EPS8: variants seen among roughly 807,000 people sequenced by gnomAD.
EPS8 encodes the protein EGFR pathway substrate 8, signaling adaptor.
A neutral mutation model predicts 103.8 loss-of-function variants in EPS8; 42 were observed. The ratio of observed to expected loss-of-function variants is 0.40; its 90% confidence interval spans 0.32 to 0.52. EPS8 has a LOEUF of 0.52. Among genes scored for constraint, EPS8 ranks in the 20% least tolerant of loss-of-function variants. The probability of loss-of-function intolerance (pLI) is 0.40; values close to 1 mark genes in which losing one functional copy is unlikely to be tolerated. For synonymous variants in EPS8, 344 were observed against 344.6 expected (o/e 1.00, Z 0.02); for missense variants, 969 against 1,005.1 (o/e 0.96, Z 0.49).
chr12:15,747,881 G>A lies in EPS8; in HGVS notation c.-22+41280C>T, dbSNP rs1006298241. ...TAAAAATACAAAGAATTAGCCGGACGTGGTGGCAGGCACCTGTAGTCCCAG... is the reference window on the plus strand; with the variant it reads ...TAAAAATACAAAGAATTAGCCGGACATGGTGGCAGGCACCTGTAGTCCCAG... On this transcript the variant is annotated intron_variant, in intron 1 of 20. Transcript: ENST00000281172. The surrounding 1 kb of genome is among the most constrained non-coding windows in gnomAD (Gnocchi z 4.4). 6.6e-6 allele frequency among the ~76,000 whole-genome samples: 1 copy of A among 152,036 alleles called. No homozygotes were observed. Among genetic ancestry groups the A allele is most frequent in the Non-Finnish European group, 1.5e-5 (1 of 68,000 alleles).
At position 15,684,833 on chromosome 12, in the gene EPS8, C is replaced by T. The variant is rs954157084; in HGVS notation, c.-21-1861G>A. ...TATAAATTAAGAAGCAAAGAAAGAT[C>T]GGCCTCTGCCCTATACATGCATGTA... On this transcript the variant is annotated intron_variant, in intron 1 of 20. Transcript: ENST00000281172. This position sits in a 1 kb window ranked among gnomAD's most constrained non-coding sequence, Gnocchi z 4.9. 1.3e-5 allele frequency among the ~76,000 whole-genome samples: 2 copies of T among 152,186 alleles called. No homozygotes were observed. Among genetic ancestry groups the T allele is most frequent in the Admixed American group, 6.5e-5 (1 of 15,274 alleles).
At chr12:15,629,553 T>G (rs1397163091) in intron 18 of EPS8, among the ~76,000 whole-genome samples, 1 of 152,258 alleles carries the variant, frequency 6.6e-6, no homozygotes, top group African/African-American at 2.4e-5. Context: ...TTTTAAAAAC[T>G]CCACATAATT....
chr12:15,775,078 G>A (rs892056206), intron 1 of EPS8, among the ~76,000 whole-genome samples: 4 of 152,000 alleles, frequency 2.6e-5, no homozygotes, highest in Admixed American at 2.0e-4. Flanking sequence ...GTTAGAATGC[G>A]CTTGGCCCCA....
chr12:15,729,722 T>C (rs1413112742), intron 1 of EPS8, among the ~76,000 whole-genome samples: 1 of 152,238 alleles, frequency 6.6e-6, no homozygotes, highest in Non-Finnish European at 1.5e-5. Flanking sequence ...CTTCTCAATG[T>C]TGGAGATTTA....
chr12:15,675,327 A>G (rs1945884623), intron 3 of EPS8, among the ~76,000 whole-genome samples: 3 of 152,230 alleles, frequency 2.0e-5, no homozygotes, highest in Admixed American at 1.3e-4. Flanking sequence ...AAGGCCAGGC[A>G]TGGTGGCTCA....
rs182840139 is a variant in EPS8 at position 15,699,420 on chromosome 12, T to C, written c.-21-16448A>G. Among the ~76,000 whole-genome samples, 4 of 152,366 alleles carry C rather than the reference T, an allele frequency of 2.6e-5. No homozygotes were observed. The East Asian group carries it at 7.7e-4, about 29-fold the overall frequency. On this transcript the variant is annotated intron_variant, in intron 1 of 20. Transcript: ENST00000281172. ...GAGAATGATTGTTATGAGGATTATA[T>C]GCAAAAGCACACACAGATCATTTGA...
At chr12:15,649,731 G>A (rs1158504034) in intron 14 of EPS8, among the ~76,000 whole-genome samples, 1 of 152,126 alleles carries the variant, frequency 6.6e-6, no homozygotes, top group Admixed American at 6.5e-5. Flanking sequence ...ATTGTCCAAA[G>A]AATAGTCCAC....
intron 18 of EPS8, among the ~76,000 whole-genome samples, chr12:15,627,783 G>T (rs1944973744): frequency 2.0e-5 from 3 of 152,216 alleles, no homozygotes; most frequent in South Asian, 4.1e-4. Flanking sequence ...GGAATCATGT[G>T]TCTGTGTATT....
chr12:15,667,427 T>G (rs1452194267), intron 6 of EPS8, among the ~76,000 whole-genome samples: 1 of 152,130 alleles, frequency 6.6e-6, no homozygotes, highest in African/African-American at 2.4e-5. Context: ...CCCAGTCCAG[T>G]GTGACTTCCT....
rs1450974427 is a variant in EPS8 at position 15,759,505 on chromosome 12, A to G, written c.-22+29656T>C. 6.6e-6 allele frequency among the ~76,000 whole-genome samples: 1 copy of G among 152,084 alleles called. No individual in the cohort carries two copies. The highest frequency in any genetic ancestry group is 2.4e-5 in the African/African-American group (1 of 41,454). On this transcript the variant is annotated intron_variant, in intron 1 of 20. Coordinates refer to ENST00000281172, the MANE Select transcript of EPS8 (RefSeq NM_004447.6). This position sits in a 1 kb window ranked among gnomAD's most constrained non-coding sequence, Gnocchi z 4.9. ...CAGTCTCTTAAACTTCAGTAGGAAA[A>G]ACAGAATTCCAATTGTGTTTTCATT...
chr12:15,669,271 T>C, intron 6 of EPS8, 116 bp downstream of exon 6: 1 of 849,984 alleles, frequency 1.2e-6, no homozygotes, highest in Non-Finnish European at 1.8e-6. Context: ...CCTTACGAGA[T>C]GCTCAGAAAC....
intron 1 of EPS8, among the ~76,000 whole-genome samples, chr12:15,743,445 G>T (rs1426110578): frequency 6.6e-6 from 1 of 152,096 alleles, no homozygotes; most frequent in African/African-American, 2.4e-5. Context: ...TAAAGAGCCC[G>T]CATTGCCAAG....
chr12:15,709,903 C>T (rs911111262), intron 1 of EPS8, among the ~76,000 whole-genome samples: 17 of 152,208 alleles, frequency 1.1e-4, no homozygotes, highest in African/African-American at 3.9e-4. Flanking sequence ...ATAAGGAACA[C>T]GTAACCTAGA....
At position 15,717,946 on chromosome 12, in the gene EPS8, T is replaced by C. The variant is rs1591891723; in HGVS notation, c.-21-34974A>G. On this transcript the variant is annotated intron_variant, in intron 1 of 20. Transcript: ENST00000281172. The surrounding 1 kb of genome is among the most constrained non-coding windows in gnomAD (Gnocchi z 4.3). ...ACTGTACAGCTCCAATAAGACATGA[T>C]CTTATTTGGCAATTTCAGTTAAAAA... Among the ~76,000 whole-genome samples, 1 of 152,188 alleles carries C rather than the reference T, an allele frequency of 6.6e-6. No individual in the cohort carries two copies. Among genetic ancestry groups the C allele is most frequent in the African/African-American group, 2.4e-5 (1 of 41,448 alleles).
rs1946205957 is a variant in EPS8, at chr12:15,693,782, T to C, written c.-21-10810A>G. 1.3e-5 allele frequency among the ~76,000 whole-genome samples: 2 copies of C among 152,100 alleles called. No homozygotes were observed. Among genetic ancestry groups the C allele is most frequent in the Non-Finnish European group, 1.5e-5 (1 of 68,018 alleles). The stretch of plus-strand genomic sequence containing the variant: ...CTGGAAGCCATCATCCTCAGGAAAC[T>C]AACACAGGAACAGAAAACCAAACAC... On this transcript the variant is annotated intron_variant, in intron 1 of 20. Transcript: ENST00000281172. This position sits in a 1 kb window ranked among gnomAD's most constrained non-coding sequence, Gnocchi z 5.6.
intron 18 of EPS8, among the ~76,000 whole-genome samples, chr12:15,628,941 G>A (rs1304819417): frequency 6.6e-6 from 1 of 152,086 alleles, no homozygotes; most frequent in Admixed American, 6.6e-5. Context: ...GAGAAAAACT[G>A]TTCTGCAATA....
At position 15,745,345 on chromosome 12, in the gene EPS8, C is replaced by T. The variant is rs778044215; in HGVS notation, c.-22+43816G>A. On this transcript the variant is annotated intron_variant, in intron 1 of 20. Transcript: ENST00000281172. This position sits in a 1 kb window ranked among gnomAD's most constrained non-coding sequence, Gnocchi z 4.6. Reference sequence around the variant, plus strand: ...GGATAGCAAGTACATGACGTTTGTGCGGGCCCTCCCCGTTCCCATAAAAAA... The same window carrying T: ...GGATAGCAAGTACATGACGTTTGTGTGGGCCCTCCCCGTTCCCATAAAAAA... 1.3e-5 allele frequency among the ~76,000 whole-genome samples: 2 copies of T among 152,100 alleles called. No homozygotes were observed. The highest frequency in any genetic ancestry group is 2.4e-5 in the African/African-American group (1 of 41,412).
At chr12:15,647,051 G>C (rs2135774752) in intron 15 of EPS8, 76 bp downstream of exon 15, 1 of 1,395,092 alleles carries the variant, frequency 7.2e-7, no homozygotes. Context: ...AGACAATACA[G>C]ACACTGTCAC....
Position 15,778,985 on chromosome 12 carries a change from CTTTCTTTT to C in EPS8, c.-22+10168_-22+10175del, listed in dbSNP as rs1947233712. Among the ~76,000 whole-genome samples the C allele has an allele frequency of 6.6e-6, 1 of 151,920 alleles. No individual in the cohort carries two copies. Among genetic ancestry groups the C allele is most frequent in the Non-Finnish European group, 1.5e-5 (1 of 67,962 alleles). On this transcript the variant is annotated intron_variant, in intron 1 of 20. Coordinates refer to ENST00000281172, the MANE Select transcript of EPS8 (RefSeq NM_004447.6). This position sits in a 1 kb window ranked among gnomAD's most constrained non-coding sequence, Gnocchi z 4.5. ...TAACAGACTTTTTCTTTCTTTCTTT[CTTTCTTTT>C]TGAGATGGAGTTTCACTCTTGTTGC... is the stretch of plus-strand genomic sequence containing the variant.
Sources: allele counts gnomAD v4.1 joint callset (sites outside exome capture counted in the v4.1 genomes callset), GRCh38; gene constraint gnomAD v4.1.1; non-coding constraint Gnocchi (gnomAD v3.1); transcripts MANE v1.5; gene names NCBI Gene and HGNC (gene_info 2026-07-23, HGNC 2026-07-21).